FRMD4A: variants seen among roughly 807,000 people sequenced by gnomAD.
The protein encoded by FRMD4A is FERM domain containing 4A.
Under a neutral mutation model 129.1 loss-of-function variants are expected in FRMD4A, and 29 were observed. The observed-to-expected ratio is 0.22, with a 90% confidence interval of 0.17 to 0.31. The LOEUF is 0.31. Ranked by LOEUF, FRMD4A falls within the 10% of genes least tolerant of loss-of-function variation. The pLI is 1.00. For synonymous variants in FRMD4A, 634 were observed against 571.6 expected, an observed-to-expected ratio of 1.11 and a Z score of -1.56; for missense variants, 1,272 against 1,375.8, an observed-to-expected ratio of 0.92 and a Z score of 1.19.
intron 15 of FRMD4A, among the ~76,000 whole-genome samples, chr10:13,680,626 C>T (rs10737078): frequency 0.58 from 88,336 of 151,798 alleles, 26,733 homozygotes; most frequent in East Asian, 0.73. Context: ...CTTGGGGAGC[C>T]GAGACAGGAG....
chr10:13,647,635 A>G (rs867058013), intron 24 of FRMD4A: 2 of 152,172 alleles, frequency 1.3e-5, no homozygotes, highest in Non-Finnish European at 2.9e-5. Context: ...AAAAAAATCA[A>G]TGATGACTTT....
chr10:13,656,566 G>T, intron 22 of FRMD4A, 70 bp downstream of exon 22: 2 of 1,315,836 alleles, frequency 1.5e-6, no homozygotes, highest in Middle Eastern at 2.9e-4. Context: ...CCTTCCCCGC[G>T]GTAGCCCTTG....
chr10:13,927,163 A>C (rs1419993754), intron 2 of FRMD4A, among the ~76,000 whole-genome samples: 2 of 152,092 alleles, frequency 1.3e-5, no homozygotes, highest in Non-Finnish European at 2.9e-5. Context: ...AGGTGGAGGC[A>C]GGAGAATCGC....
chr10:14,159,364 T>C (rs1453111781), intron 2 of FRMD4A, among the ~76,000 whole-genome samples: 2 of 152,150 alleles, frequency 1.3e-5, no homozygotes, highest in Non-Finnish European at 2.9e-5. Flanking sequence ...AAATCTCACT[T>C]ACAATTGCTG....
At chr10:13,659,839 A>C (rs913318733) in intron 20 of FRMD4A, among the ~76,000 whole-genome samples, 2 of 142,844 alleles carry the variant, frequency 1.4e-5, no homozygotes, top group Non-Finnish European at 3.0e-5. Flanking sequence ...GGAAAAACAG[A>C]GAAGCAGACC....
intron 14 of FRMD4A, among the ~76,000 whole-genome samples, chr10:13,696,255 T>C (rs2086216697): frequency 6.6e-6 from 1 of 152,168 alleles, no homozygotes; most frequent in African/African-American, 2.4e-5. Context: ...TTTGCGCCCA[T>C]CTGGTTGAGT....
chr10:14,193,071 T>C (rs550798136), intron 2 of FRMD4A, among the ~76,000 whole-genome samples: 1 of 152,372 alleles, frequency 6.6e-6, no homozygotes, highest in African/African-American at 2.4e-5. Context: ...TCAGAAATTC[T>C]ACCCTGGGCC....
At chr10:14,136,841 G>T in intron 2 of FRMD4A, among the ~76,000 whole-genome samples, 1 of 152,212 alleles carries the variant, frequency 6.6e-6, no homozygotes, top group East Asian at 1.9e-4. Context: ...TTGTATCACA[G>T]CTGCGTTTTT....
At chr10:13,903,480 G>C (rs1213033302) in intron 2 of FRMD4A, among the ~76,000 whole-genome samples, 2 of 152,164 alleles carry the variant, frequency 1.3e-5, no homozygotes, top group Non-Finnish European at 2.9e-5. Context: ...TGTAATTCCA[G>C]CACTTTGGAA....
At chr10:14,185,828 C>G (rs1290052139) in intron 2 of FRMD4A, among the ~76,000 whole-genome samples, 1 of 152,002 alleles carries the variant, frequency 6.6e-6, no homozygotes, top group Non-Finnish European at 1.5e-5. Context: ...AGGGCAGGGC[C>G]CAGTGGAGAC....
At chr10:13,664,018 C>T (rs1437410019) in intron 18 of FRMD4A, among the ~76,000 whole-genome samples, 1 of 152,196 alleles carries the variant, frequency 6.6e-6, no homozygotes, top group African/African-American at 2.4e-5. Context: ...CTCCATCTCT[C>T]CAAAGCTTAT....
chr10:13,704,998 T>A (rs543201319), intron 13 of FRMD4A, among the ~76,000 whole-genome samples: 3 of 152,170 alleles, frequency 2.0e-5, no homozygotes, highest in African/African-American at 7.2e-5. Flanking sequence ...TGCTTGAGCC[T>A]GGAAGGTGGA....
At chr10:14,230,580 C>T (rs1005263354) in intron 2 of FRMD4A, among the ~76,000 whole-genome samples, 1 of 152,172 alleles carries the variant, frequency 6.6e-6, no homozygotes, top group Non-Finnish European at 1.5e-5. Flanking sequence ...ATCATTGGTA[C>T]TCTTAATTCC....
At chr10:13,664,274 T>G (rs2082848673) in intron 18 of FRMD4A, among the ~76,000 whole-genome samples, 2 of 152,206 alleles carry the variant, frequency 1.3e-5, no homozygotes, top group South Asian at 4.1e-4. Context: ...CTAGTTCAAG[T>G]GGGTCCTTGG....
intron 2 of FRMD4A, among the ~76,000 whole-genome samples, chr10:13,976,999 G>C (rs200203151): frequency 2.0e-5 from 3 of 152,150 alleles, no homozygotes; most frequent in East Asian, 3.9e-4. Context: ...CTAATATCAA[G>C]AAACTTCAAG....
At chr10:13,675,211 C>T (rs754565992) in intron 15 of FRMD4A, among the ~76,000 whole-genome samples, 167 bp from the exon 16 acceptor site, 5 of 152,188 alleles carry the variant, frequency 3.3e-5, no homozygotes, top group Non-Finnish European at 5.9e-5. Context: ...AAGCACATTC[C>T]AGCACTGCAT....
At chr10:13,808,334 G>A (rs2093391729) in intron 4 of FRMD4A, among the ~76,000 whole-genome samples, 1 of 152,148 alleles carries the variant, frequency 6.6e-6, no homozygotes. Flanking sequence ...ACACACACAT[G>A]CTCACAATAC....
At chr10:13,658,416 A>G (rs535576856) in intron 21 of FRMD4A, among the ~76,000 whole-genome samples, 3 of 152,250 alleles carry the variant, frequency 2.0e-5, no homozygotes, top group Non-Finnish European at 4.4e-5. Context: ...AGTGCAAAAC[A>G]GTATCACATG....
chr10:14,224,717 T>C (rs1398062356), intron 2 of FRMD4A, among the ~76,000 whole-genome samples: 2 of 152,206 alleles, frequency 1.3e-5, no homozygotes, highest in African/African-American at 2.4e-5. Flanking sequence ...AAAGAGTCTC[T>C]CATTTATCTC....
Sources: gnomAD v4.1 joint callset for allele counts (sites outside exome capture counted in the v4.1 genomes callset) on GRCh38, gnomAD v4.1.1 for gene constraint, MANE v1.5 for transcripts, NCBI Gene and HGNC (gene_info 2026-07-23, HGNC 2026-07-21) for gene names.